The following KIZ variants were observed in gnomAD, a reference collection of about 807,000 sequenced individuals.
KIZ encodes the protein kizuna centrosomal protein, also known as centrosomal protein kizuna.
In KIZ, 68 loss-of-function variants were observed where a neutral mutation model predicts 79.6. The ratio of observed to expected loss-of-function variants is 0.85; its 90% CI spans 0.70 to 1.05. The LOEUF is 1.05. Among genes scored for constraint, KIZ ranks in the 50% least tolerant of loss-of-function variants. KIZ has a pLI of 0.00. For synonymous variants in KIZ, 280 were observed against 281.8 expected (o/e 0.99, Z 0.06); for missense variants, 797 against 800.4 (o/e 1.00, Z 0.05).
In KIZ at chr20:21,232,803, C is replaced by A; in HGVS notation, c.1853C>A (p.Ser618Ter). ...ANKIASEASF[S>*]SSEGSPLSRH... ...AAAATTGCTTCGGAAGCTAGTTTTT[C>A]ATCTAGTGAAGGAAGTCCTTTGTCA... is the stretch of plus-strand genomic sequence containing the variant. The change falls in exon 11 of 13, where the codon TCA (serine) becomes TAA (stop). Residue 618 changes from serine to a stop codon, truncating the protein, a stop_gained. Transcript: ENST00000619189. LOFTEE classifies it high-confidence loss of function. The A allele has an allele frequency of 6.4e-7, 1 of 1,568,942 alleles. No homozygotes were observed. Among genetic ancestry groups the A allele is most frequent in the Non-Finnish European group, 8.7e-7 (1 of 1,146,566 alleles).
intron 7 of KIZ, among the ~76,000 whole-genome samples, chr20:21,214,222 A>C (rs1387546343): frequency 6.6e-6 from 1 of 152,138 alleles, no homozygotes; most frequent in East Asian, 1.9e-4. Context: ...GGGAGGATAA[A>C]CCTGCCCAGA....
At chr20:21,229,420 C>G (rs564287296) in intron 10 of KIZ, among the ~76,000 whole-genome samples, 1 of 152,374 alleles carries the variant, frequency 6.6e-6, no homozygotes, top group Admixed American at 6.5e-5. Context: ...AATTCCTTCT[C>G]TTCCCCACAG....
chr20:21,189,154 A>C (rs1448087219), intron 6 of KIZ, among the ~76,000 whole-genome samples: 2 of 152,266 alleles, frequency 1.3e-5, no homozygotes, highest in East Asian at 3.9e-4. Context: ...CTGTTTATGC[A>C]TCTCAGTTGG....
chr20:21,243,036 T>C (rs2123522080), intron 11 of KIZ, among the ~76,000 whole-genome samples: 1 of 152,206 alleles, frequency 6.6e-6, no homozygotes, highest in South Asian at 2.1e-4. Flanking sequence ...ATCCCTGCAG[T>C]TGCATTTAGT....
intron 2 of KIZ, among the ~76,000 whole-genome samples, chr20:21,135,455 G>A (rs895322408): frequency 9.2e-5 from 14 of 152,184 alleles, no homozygotes; most frequent in African/African-American, 2.2e-4. Context: ...TGGTCAAAGC[G>A]CAGAATTATT....
intron 6 of KIZ, among the ~76,000 whole-genome samples, chr20:21,163,534 A>G (rs919770858): frequency 3.3e-5 from 5 of 152,236 alleles, no homozygotes; most frequent in African/African-American, 1.2e-4. Context: ...GGTGACAGTT[A>G]AACTTACTAG....
At chr20:21,173,633 G>A (rs943115577) in intron 6 of KIZ, among the ~76,000 whole-genome samples, 12 of 150,802 alleles carry the variant, frequency 8.0e-5, no homozygotes, top group Non-Finnish European at 1.3e-4. Flanking sequence ...ATTGGGTGTG[G>A]GTTATAAGAG....
intron 4 of KIZ, among the ~76,000 whole-genome samples, chr20:21,153,178 C>T (rs962740668): frequency 4.6e-5 from 7 of 152,166 alleles, no homozygotes; most frequent in Non-Finnish European, 8.8e-5. Context: ...CTTGTCACCT[C>T]GTACATGCTT....
At chr20:21,183,884 G>A (rs962417768) in intron 6 of KIZ, among the ~76,000 whole-genome samples, 1 of 152,160 alleles carries the variant, frequency 6.6e-6, no homozygotes, top group African/African-American at 2.4e-5. Flanking sequence ...GATCAACTCA[G>A]TTCTTAGGCC....
chr20:21,127,052 G>A (rs187282448), intron 1 of KIZ, among the ~76,000 whole-genome samples: 6 of 152,328 alleles, frequency 3.9e-5, no homozygotes, highest in African/African-American at 9.6e-5. Flanking sequence ...AGCTGTGTGC[G>A]TGACAGTGCT....
At chr20:21,207,614 G>A (rs2123211962) in intron 7 of KIZ, among the ~76,000 whole-genome samples, 1 of 150,620 alleles carries the variant, frequency 6.6e-6, no homozygotes, top group Non-Finnish European at 1.5e-5. Flanking sequence ...TACAAACATA[G>A]ATACAGCCCC....
At chr20:21,150,893 C>G (rs1369611070) in intron 4 of KIZ, 1 of 152,212 alleles carries the variant, frequency 6.6e-6, no homozygotes, top group Admixed American at 6.5e-5. Context: ...AAGGGTACTC[C>G]CCATTTCATG....
intron 10 of KIZ, among the ~76,000 whole-genome samples, chr20:21,230,138 A>C (rs574334038): frequency 6.6e-6 from 1 of 152,180 alleles, no homozygotes. Context: ...TCTAAATAGC[A>C]TGTAATTCCC....
intron 6 of KIZ, chr20:21,166,300 C>T (rs2033935036): frequency 1.2e-6 from 2 of 1,602,990 alleles, no homozygotes; most frequent in South Asian, 1.1e-5. Flanking sequence ...TACAATGAAA[C>T]CAACTGGCAG....
rs1419956536 is a variant in KIZ at position 21,162,455 on chromosome 20, A to G, written c.990A>G (p.Glu330=). ...VSPIPVSEYC[E]SENKWSQEKH... ...CGATACCAGTTTCAGAATACTGTGA[A>G]TCTGAAAATAAGTGGTCTCAAGAGA... The change falls in exon 5 of 13, where the codon GAA becomes GAG. Residue 330 remains glutamate (E), a synonymous_variant. Coordinates refer to ENST00000619189, the MANE Select transcript of KIZ (RefSeq NM_018474.6). 1.2e-6 allele frequency: 2 copies of G among 1,612,918 alleles called. No homozygotes were observed. The highest frequency in any genetic ancestry group is 1.7e-6 in the Non-Finnish European group (2 of 1,179,134).
chr20:21,132,032 C>T, intron 1 of KIZ, 65 bp from the exon 2 acceptor site: 1 of 723,206 alleles, frequency 1.4e-6, no homozygotes, highest in African/African-American at 1.8e-5. Flanking sequence ...CAAAGAAGAG[C>T]ATGGTCTAAA....
chr20:21,150,353 G>A (rs776024288), intron 4 of KIZ, among the ~76,000 whole-genome samples: 3 of 152,132 alleles, frequency 2.0e-5, no homozygotes, highest in African/African-American at 7.2e-5. Context: ...GTATAAGCCC[G>A]ATTTCTTATC....
At chr20:21,134,660 G>GTTT (rs537989513) in intron 2 of KIZ, among the ~76,000 whole-genome samples, 3 of 130,500 alleles carry the variant, frequency 2.3e-5, no homozygotes, top group Admixed American at 7.8e-5. Flanking sequence ...CATCTTTCAG[G>GTTT]TTTTTTTTTT....
chr20:21,212,111 G>T (rs1309442366), intron 7 of KIZ, among the ~76,000 whole-genome samples: 1 of 152,162 alleles, frequency 6.6e-6, no homozygotes, highest in Non-Finnish European at 1.5e-5. Context: ...TTTTTGACTA[G>T]AAATCTGTGA....
Sources: gnomAD v4.1 joint callset for allele counts (sites outside exome capture counted in the v4.1 genomes callset) on GRCh38, gnomAD v4.1.1 for gene constraint, MANE v1.5 for transcripts, NCBI Gene and HGNC (gene_info 2026-07-23, HGNC 2026-07-21) for gene names.